The following NAA15 variants were observed in gnomAD, a reference collection of about 807,000 sequenced individuals.
NAA15 encodes N-terminal acetyltransferase.
NAA15 carries 34 observed loss-of-function variants against 114.0 expected under a neutral mutation model. The observed-to-expected ratio is 0.30, with a 90% CI of 0.23 to 0.40. The LOEUF (loss-of-function observed/expected upper bound fraction) is 0.40. NAA15 is among the 10% of genes least tolerant of loss of function. The pLI is 1.00. For missense variants in NAA15, 658 were observed against 1,004.5 expected (o/e 0.66, Z 4.66); for synonymous variants, 340 against 338.0 (o/e 1.01, Z -0.06).
At chr4:139,304,136 T>G (rs1448337773) in intron 1 of NAA15, among the ~76,000 whole-genome samples, 3 of 152,202 alleles carry the variant, frequency 2.0e-5, no homozygotes, top group Non-Finnish European at 2.9e-5. Context: ...GCCAGGATGG[T>G]CTCAATCTCC....
intron 1 of NAA15, among the ~76,000 whole-genome samples, chr4:139,307,830 A>G (rs1746075673): frequency 6.6e-6 from 1 of 152,108 alleles, no homozygotes; most frequent in Admixed American, 6.6e-5. Flanking sequence ...TTTTCAGGGC[A>G]CTTAACATCA....
At chr4:139,307,333 A>G (rs538999673) in intron 1 of NAA15, among the ~76,000 whole-genome samples, 1 of 152,312 alleles carries the variant, frequency 6.6e-6, no homozygotes, top group African/African-American at 2.4e-5. Flanking sequence ...CAGTGGTTTG[A>G]TCACGGCTCA....
chr4:139,329,499 A>AT (rs956084106), intron 1 of NAA15, among the ~76,000 whole-genome samples: 8 of 151,824 alleles, frequency 5.3e-5, no homozygotes, highest in African/African-American at 1.9e-4. Flanking sequence ...TGTCAACCTG[A>AT]TTTTTTTTGA....
chr4:139,307,680 T>G (rs1746069628), intron 1 of NAA15, among the ~76,000 whole-genome samples: 1 of 152,254 alleles, frequency 6.6e-6, no homozygotes, highest in African/African-American at 2.4e-5. Flanking sequence ...TGGTTACCGT[T>G]TTGGACACAG....
chr4:139,354,839 C>G (rs1747892365), intron 10 of NAA15, among the ~76,000 whole-genome samples: 1 of 152,192 alleles, frequency 6.6e-6, no homozygotes, highest in African/African-American at 2.4e-5. Context: ...AAGGACTTAA[C>G]CTAAAACATA....
chr4:139,356,536 C>T (rs1747955543), intron 10 of NAA15: 1 of 152,152 alleles, frequency 6.6e-6, no homozygotes, highest in African/African-American at 2.4e-5. Flanking sequence ...AATGACTTGC[C>T]CAAGAATATG....
chr4:139,312,759 C>A (rs1160679754), intron 1 of NAA15, among the ~76,000 whole-genome samples: 1 of 151,544 alleles, frequency 6.6e-6, no homozygotes, highest in Admixed American at 6.6e-5. Context: ...AGGTGGAGGA[C>A]CGCTTGAGCC....
At chr4:139,306,272 C>T (rs1328027237) in intron 1 of NAA15, among the ~76,000 whole-genome samples, 1 of 152,156 alleles carries the variant, frequency 6.6e-6, no homozygotes, top group East Asian at 1.9e-4. Flanking sequence ...GACAGTTTTG[C>T]TCTGTCACCC....
chr4:139,315,006 T>TTAGGTTAGGTTAGGTTAGG (rs1553992520), intron 1 of NAA15, among the ~76,000 whole-genome samples: 2 of 101,530 alleles, frequency 2.0e-5, no homozygotes, highest in Non-Finnish European at 2.0e-5. Flanking sequence ...TTCAGTTTAG[T>TTAGGTTAGGTTAGGTTAGG]TTAGGTTAGG....
In NAA15 at chr4:139,316,060, C is replaced by T. The variant is rs950462016; in HGVS notation, c.54+14229C>T. ...TGTCATTTTACATACTATTCTTCCTCGTCAATACCTTTGTTTTAAATTTAG... is the reference window on the plus strand; with the variant it reads ...TGTCATTTTACATACTATTCTTCCTTGTCAATACCTTTGTTTTAAATTTAG... On this transcript the variant is annotated intron_variant, in intron 1 of 19. Transcript: ENST00000296543. Among the ~76,000 whole-genome samples, 19 of 151,446 alleles carry T rather than the reference C, an allele frequency of 1.3e-4. 1 individual carries two copies. The highest frequency in any genetic ancestry group is 2.4e-4 in the Non-Finnish European group (16 of 67,924).
intron 14 of NAA15, among the ~76,000 whole-genome samples, chr4:139,365,114 C>T (rs992374215): frequency 2.0e-5 from 3 of 152,050 alleles, no homozygotes; most frequent in South Asian, 2.1e-4. Context: ...CTTGGCTCAC[C>T]GCAACCTCTG....
intron 2 of NAA15, among the ~76,000 whole-genome samples, chr4:139,335,043 G>A (rs538792650): frequency 4.2e-4 from 64 of 152,130 alleles, no homozygotes; most frequent in Admixed American, 9.8e-4. Context: ...TCTCTGCTGG[G>A]TGCTGGGGCT....
At position 139,361,841 on chromosome 4, in the gene NAA15, T is replaced by G; in HGVS notation, c.1657T>G (p.Phe553Val). The change falls in exon 14 of 20, where the codon TTT (phenylalanine) becomes GTT (valine). Residue 553 changes from phenylalanine to valine, a missense_variant. Phe to Val is a conservative substitution (Grantham distance 50). Transcript: ENST00000296543. ...AGAAGATGTACTTCGACAGCATCCA[T>G]TTTACTTCAAGGCAGCAAGAATTGC... ...KLEDVLRQHP[F>V]YFKAARIAIE... 6.2e-7 allele frequency: 1 copy of G among 1,613,650 alleles called. No homozygotes were observed. Among genetic ancestry groups the G allele is most frequent in the Non-Finnish European group, 8.5e-7 (1 of 1,179,674 alleles).
At chr4:139,358,259 C>T (rs909298906) in intron 11 of NAA15, among the ~76,000 whole-genome samples, 40 of 150,768 alleles carry the variant, frequency 2.7e-4, no homozygotes, top group African/African-American at 9.3e-4. Context: ...GTGGCGCGAT[C>T]TCAGCTCCCT....
intron 1 of NAA15, among the ~76,000 whole-genome samples, chr4:139,303,112 C>T (rs1745867903): frequency 6.6e-6 from 1 of 152,186 alleles, no homozygotes; most frequent in African/African-American, 2.4e-5. Flanking sequence ...TGTCCATATG[C>T]CCTACAGATT....
intron 15 of NAA15, 51 bp downstream of exon 15, chr4:139,370,455 C>A (rs775672574): frequency 2.0e-6 from 3 of 1,470,836 alleles, no homozygotes; most frequent in Non-Finnish European, 2.7e-6. Context: ...ATGACCAGCT[C>A]TTGTCATTTT....
In NAA15 at chr4:139,358,088, A is replaced by G. The variant is rs115209370; in HGVS notation, c.1257+533A>G. Among the ~76,000 whole-genome samples the G allele has an allele frequency of 6.3e-3, 960 of 152,294 alleles. 8 individuals are homozygous for G. The highest frequency in any genetic ancestry group is 0.022 in the African/African-American group (927 of 41,562). On this transcript the variant is annotated intron_variant, in intron 11 of 19. Transcript: ENST00000296543. Reference sequence around the variant, plus strand: ...GTCATATTGCAAATAAAATTTAGTAATGAAAGCTCTTGAGGGACTGATAAT... The same window carrying G: ...GTCATATTGCAAATAAAATTTAGTAGTGAAAGCTCTTGAGGGACTGATAAT...
chr4:139,339,077 C>T (rs1747295263), intron 3 of NAA15, among the ~76,000 whole-genome samples: 1 of 152,106 alleles, frequency 6.6e-6, no homozygotes. Flanking sequence ...TCCCAAAGTG[C>T]TGGGATTACA....
chr4:139,377,039 A>T (rs1169484511), intron 16 of NAA15, among the ~76,000 whole-genome samples: 6 of 152,216 alleles, frequency 3.9e-5, no homozygotes, highest in East Asian at 3.9e-4. Context: ...TAGAATATAT[A>T]TGTAGTAGAT....
Sources: allele counts gnomAD v4.1 joint callset (sites outside exome capture counted in the v4.1 genomes callset), GRCh38; gene constraint gnomAD v4.1.1; transcripts MANE v1.5; gene names NCBI Gene and HGNC (gene_info 2026-07-23, HGNC 2026-07-21).